Variants in ADAMTS16 observed in about 807,000 individuals in gnomAD.
ADAMTS16 encodes the protein A disintegrin and metalloproteinase with thrombospondin motifs 16.
In ADAMTS16, 94 loss-of-function variants were observed where a neutral mutation model predicts 145.8. That is an observed-to-expected ratio of 0.64 (90% confidence interval 0.55 to 0.77). ADAMTS16 has a LOEUF of 0.77. ADAMTS16 is among the 30% of genes least tolerant of loss of function. ADAMTS16 has a pLI of 0.00. For missense variants in ADAMTS16, 1,585 were observed against 1,591.5 expected (o/e 1.00, Z 0.07); for synonymous variants, 659 against 604.3 (o/e 1.09, Z -1.33).
intron 18 of ADAMTS16, among the ~76,000 whole-genome samples, chr5:5,287,233 A>G (rs1320386110): frequency 6.6e-6 from 1 of 152,230 alleles, no homozygotes; most frequent in Non-Finnish European, 1.5e-5. Context: ...CCCCTGGCCC[A>G]GCAGCATCTA....
Position 5,303,418 on chromosome 5 carries a change from C to T in ADAMTS16, c.2940C>T (p.Ala980=). 1 of 1,609,796 alleles carries T rather than the reference C, an allele frequency of 6.2e-7. No individual in the cohort carries two copies. The highest frequency in any genetic ancestry group is 8.5e-7 in the Non-Finnish European group (1 of 1,178,378). The change falls in exon 19 of 23, where the codon GCC becomes GCT. Residue 980 remains alanine, a synonymous_variant. Coordinates refer to ENST00000274181, the MANE Select transcript of ADAMTS16 (RefSeq NM_139056.4). The part of the protein sequence containing the change: ...CPQPAPSSRQ[A]CNSQSCPPAW... Reference sequence around the variant, plus strand: ...AGCCTGCTCCCTCCAGCAGGCAGGCCTGCAACTCTCAGAGCTGCCCACCTG... The same window carrying T: ...AGCCTGCTCCCTCCAGCAGGCAGGCTTGCAACTCTCAGAGCTGCCCACCTG...
At chr5:5,184,243 A>G (rs573136600) in intron 4 of ADAMTS16, among the ~76,000 whole-genome samples, 8 of 151,868 alleles carry the variant, frequency 5.3e-5, no homozygotes, top group Non-Finnish European at 8.8e-5. Flanking sequence ...TCACCGATGC[A>G]TGGATGTACC....
chr5:5,306,810 G>A, intron 21 of ADAMTS16, 82 bp downstream of exon 21: 1 of 1,350,024 alleles, frequency 7.4e-7, no homozygotes, highest in South Asian at 1.4e-5. Context: ...GGATGCTTCT[G>A]CGAGGGTGTT....
chr5:5,228,523 TACACTC>T (rs1736830996), intron 11 of ADAMTS16, among the ~76,000 whole-genome samples: 2 of 152,114 alleles, frequency 1.3e-5, no homozygotes, highest in Non-Finnish European at 2.9e-5. Flanking sequence ...TTTTTAAAGA[TACACTC>T]ACACAAAAGC....
intron 8 of ADAMTS16, among the ~76,000 whole-genome samples, chr5:5,194,450 T>C (rs73038114): frequency 0.02 from 3,046 of 152,332 alleles, 120 homozygotes; most frequent in African/African-American, 0.07. Context: ...CAGTTCCTTC[T>C]GTCGCCTTCA....
At chr5:5,142,607 G>T (rs556677010) in intron 2 of ADAMTS16, among the ~76,000 whole-genome samples, 3 of 152,192 alleles carry the variant, frequency 2.0e-5, no homozygotes, top group Admixed American at 2.0e-4. Context: ...TGACTGCTGG[G>T]GTCAACTTAC....
At chr5:5,296,238 C>A (rs1446417081) in intron 18 of ADAMTS16, among the ~76,000 whole-genome samples, 1 of 152,320 alleles carries the variant, frequency 6.6e-6, no homozygotes, top group East Asian at 1.9e-4. Flanking sequence ...CAGCAGCCTG[C>A]TGCAGACACA....
At chr5:5,166,290 CAT>C (rs1359060434) in intron 3 of ADAMTS16, among the ~76,000 whole-genome samples, 1 of 152,052 alleles carries the variant, frequency 6.6e-6, no homozygotes, top group African/African-American at 2.4e-5. Context: ...CACACACACA[CAT>C]GCACACACAC....
intron 10 of ADAMTS16, among the ~76,000 whole-genome samples, chr5:5,212,743 T>C (rs1736310856): frequency 6.6e-6 from 1 of 152,226 alleles, no homozygotes; most frequent in African/African-American, 2.4e-5. Context: ...TGAAACAAAC[T>C]CTGACCTTTT....
At chr5:5,191,180 G>A (rs1027334618) in intron 7 of ADAMTS16, among the ~76,000 whole-genome samples, 4 of 152,262 alleles carry the variant, frequency 2.6e-5, no homozygotes, top group Non-Finnish European at 5.9e-5. Flanking sequence ...TGCTGATTTT[G>A]CCCTGTGTCC....
intron 21 of ADAMTS16, among the ~76,000 whole-genome samples, chr5:5,313,807 A>C (rs1337915579): frequency 6.6e-6 from 1 of 152,260 alleles, no homozygotes; most frequent in African/African-American, 2.4e-5. Flanking sequence ...CACAGAGTGC[A>C]TGGAGATCTC....
chr5:5,237,080 G>A lies in ADAMTS16; in HGVS notation c.2135G>A (p.Cys712Tyr). The change falls in exon 14 of 23, where the codon TGT (cysteine) becomes TAT (tyrosine). Residue 712 changes from cysteine (C) to tyrosine (Y), a missense_variant. By Grantham distance (194) the Cys-to-Tyr change is radical. This residue lies in a region of ADAMTS16 where 834 missense variants were observed against 811.7 expected (regional missense o/e 1.03). Coordinates refer to ENST00000274181, the MANE Select transcript of ADAMTS16 (RefSeq NM_139056.4). ...TGCTCGGAGGATAGCCGTAATGTTT[G>A]TATAGATGGGATATGTGAGGTAATC... ...TPCSEDSRNV[C>Y]IDGICERVGC... 2 of 1,613,866 alleles carry A rather than the reference G, an allele frequency of 1.2e-6. No individual in the cohort carries two copies. Among genetic ancestry groups the A allele is most frequent in the East Asian group, 2.2e-5 (1 of 44,870 alleles).
chr5:5,154,071 T>A (rs1350756689), intron 3 of ADAMTS16, among the ~76,000 whole-genome samples: 1 of 152,172 alleles, frequency 6.6e-6, no homozygotes, highest in East Asian at 1.9e-4. Flanking sequence ...TAGGAAACTG[T>A]CTGAAATGCT....
intron 18 of ADAMTS16, among the ~76,000 whole-genome samples, chr5:5,301,820 CA>C (rs1739788213): frequency 6.6e-6 from 1 of 152,192 alleles, no homozygotes; most frequent in Non-Finnish European, 1.5e-5. Flanking sequence ...GAGTGGAAGA[CA>C]GGATGCCCCT....
chr5:5,196,710 C>T (rs1031254172), intron 8 of ADAMTS16, among the ~76,000 whole-genome samples: 1 of 152,172 alleles, frequency 6.6e-6, no homozygotes, highest in Non-Finnish European at 1.5e-5. Context: ...TATGATTTGA[C>T]CAAGACCACA....
chr5:5,223,860 CTGAG>C (rs2126350277), intron 11 of ADAMTS16: 1 of 150,300 alleles, frequency 6.7e-6, no homozygotes, highest in Non-Finnish European at 1.5e-5. Context: ...TTTTATGTAT[CTGAG>C]TTTTTAGTGG....
Position 5,222,848 on chromosome 5 carries a change from G to A in ADAMTS16, c.1665G>A (p.Met555Ile). Residue 555 changes from methionine to isoleucine, a missense_variant, in exon 11 of 23, where the codon ATG becomes ATA. Met to Ile is a conservative substitution (Grantham distance 10, BLOSUM62 1). This residue lies in a region of ADAMTS16 where 298 missense variants were observed against 367.6 expected (regional missense o/e 0.81). Coordinates refer to ENST00000274181, the MANE Select transcript of ADAMTS16 (RefSeq NM_139056.4). ...RIGRKCETKFMPAAEGTICGH... is the reference protein window; with the variant it reads ...RIGRKCETKFIPAAEGTICGH... ...GAAGGAAATGTGAGACTAAATTTAT[G>A]CCAGCAGCAGAAGGCACAATTTGTG... The A allele has an allele frequency of 6.2e-7, 1 of 1,614,124 alleles. No individual in the cohort carries two copies. The highest frequency in any genetic ancestry group is 1.3e-5 in the African/African-American group (1 of 75,048).
At chr5:5,143,251 G>T (rs1308402991) in intron 2 of ADAMTS16, among the ~76,000 whole-genome samples, 1 of 152,012 alleles carries the variant, frequency 6.6e-6, no homozygotes, top group Non-Finnish European at 1.5e-5. Flanking sequence ...CTAATATCCA[G>T]AATCTACAAG....
At chr5:5,145,296 G>T (rs986611791) in intron 2 of ADAMTS16, among the ~76,000 whole-genome samples, 2 of 152,120 alleles carry the variant, frequency 1.3e-5, no homozygotes, top group Non-Finnish European at 1.5e-5. Context: ...AATACTCAAA[G>T]CTCATCATTT....
Sources: gnomAD v4.1 joint callset for allele counts (sites outside exome capture counted in the v4.1 genomes callset) on GRCh38, gnomAD v4.1.1 for gene constraint, gnomAD v4.1.1 regional missense constraint, MANE v1.5 for transcripts, NCBI Gene and HGNC (gene_info 2026-07-23, HGNC 2026-07-21) for gene names.